The following RSPH14 variants were observed in gnomAD, a reference collection of about 807,000 sequenced individuals.
RSPH14 encodes radial spoke head 14 homolog.
In RSPH14, 20 loss-of-function variants were observed where a neutral mutation model predicts 26.7. That is an observed-to-expected ratio of 0.75 (90% CI 0.53 to 1.09). RSPH14 has a LOEUF of 1.09. RSPH14 is among the 50% of genes least tolerant of loss of function. RSPH14 has a pLI of 0.00. For missense variants in RSPH14, 449 were observed against 457.2 expected, an observed-to-expected ratio of 0.98 and a Z score of 0.16; for synonymous variants, 177 against 189.3, an observed-to-expected ratio of 0.93 and a Z score of 0.53.
intron 4 of RSPH14, among the ~76,000 whole-genome samples, chr22:23,106,509 C>T (rs568559546): frequency 6.6e-6 from 1 of 152,110 alleles, no homozygotes; most frequent in African/African-American, 2.4e-5. Context: ...GTCATGTGGA[C>T]TTGTGTCCAT....
rs148799264 is a variant in RSPH14, at chr22:23,123,231, G to A, written c.421+10795C>T. ...CATCCCGCTCACCATCTGCTTTCCC[G>A]AGTACAAGGGCCAGAACACGTACGA... On this transcript the variant is annotated intron_variant, in intron 4 of 6. Coordinates refer to ENST00000216036, the MANE Select transcript of RSPH14 (RefSeq NM_014433.3). 1.3e-4 allele frequency: 206 copies of A among 1,614,132 alleles called. 1 individual carries two copies. The highest frequency in any genetic ancestry group is 1.6e-4 in the Non-Finnish European group (193 of 1,180,040).
intron 4 of RSPH14, among the ~76,000 whole-genome samples, chr22:23,066,631 C>T (rs891376059): frequency 6.6e-5 from 10 of 152,192 alleles, no homozygotes; most frequent in Admixed American, 3.9e-4. Context: ...GAGTCTCGGG[C>T]CTGGCTATTT....
the RSPH14 span, chr22:23,153,439 G>A: frequency 2.5e-6 from 1 of 404,076 alleles, no homozygotes; most frequent in African/African-American, 2.2e-5. Flanking sequence ...GTCCCTCCCT[G>A]ACCTAGGCCT....
At chr22:23,166,135 G>T in the RSPH14 span, among the ~76,000 whole-genome samples, 1 of 116,046 alleles carries the variant, frequency 8.6e-6, no homozygotes. Flanking sequence ...GACGGAGTGA[G>T]ACTCTGTCTT....
chr22:23,084,458 C>T (rs774182689), intron 4 of RSPH14, among the ~76,000 whole-genome samples: 1 of 152,164 alleles, frequency 6.6e-6, no homozygotes, highest in Non-Finnish European at 1.5e-5. Flanking sequence ...ACATTTTCAA[C>T]TTAGGATGGG....
intron 4 of RSPH14, among the ~76,000 whole-genome samples, chr22:23,108,090 G>A (rs2069536217): frequency 6.6e-6 from 1 of 152,248 alleles, no homozygotes; most frequent in South Asian, 2.1e-4. Context: ...TGTGGGCCAG[G>A]AGCAGGTGCA....
In RSPH14 at chr22:23,063,872, G is replaced by C. The variant is rs754557884; in HGVS notation, c.653+30C>G. The C allele has an allele frequency of 6.8e-6, 11 of 1,607,386 alleles. No individual in the cohort carries two copies. The Admixed American group carries it at 1.7e-4, about 24-fold the overall frequency. ...AGCTCAGGTGCCTTCTCCCAGCCTTGGTAGAAACCCAGCCTAGGCCAGGCC... is the reference window on the plus strand; with the variant it reads ...AGCTCAGGTGCCTTCTCCCAGCCTTCGTAGAAACCCAGCCTAGGCCAGGCC... On this transcript the variant is annotated intron_variant, in intron 5 of 6. Coordinates refer to ENST00000216036, the MANE Select transcript of RSPH14 (RefSeq NM_014433.3).
chr22:23,064,251 G>C (rs1362865542), intron 4 of RSPH14, 118 bp from the exon 5 acceptor site: 2 of 906,854 alleles, frequency 2.2e-6, no homozygotes, highest in Non-Finnish European at 3.4e-6. Context: ...TTGACAAAAG[G>C]ACTTGCAAGT....
chr22:23,148,482 G>C (rs1046662664), upstream of RSPH14, among the ~76,000 whole-genome samples: 9 of 152,174 alleles, frequency 5.9e-5, no homozygotes, highest in African/African-American at 2.2e-4. Flanking sequence ...TCTGGGATTT[G>C]ACCTGGCCGT....
chr22:23,111,086 G>A (rs192217224), intron 4 of RSPH14, among the ~76,000 whole-genome samples: 4 of 152,334 alleles, frequency 2.6e-5, no homozygotes, highest in South Asian at 4.1e-4. Flanking sequence ...GGGCCTGCGC[G>A]CCTTCCCTGT....
intron 4 of RSPH14, among the ~76,000 whole-genome samples, chr22:23,122,074 G>A (rs760196275): frequency 6.6e-6 from 1 of 152,154 alleles, no homozygotes; most frequent in Admixed American, 6.5e-5. Flanking sequence ...AGCCAGATTG[G>A]TTCCAGATTT....
the RSPH14 span, among the ~76,000 whole-genome samples, chr22:23,157,506 G>A: frequency 3.3e-5 from 5 of 151,984 alleles, no homozygotes; most frequent in South Asian, 2.1e-4. Flanking sequence ...TGATCCACCC[G>A]CCTCAGCCTC....
chr22:23,121,395 G>T (rs996811011), intron 4 of RSPH14, among the ~76,000 whole-genome samples: 1 of 152,190 alleles, frequency 6.6e-6, no homozygotes, highest in African/African-American at 2.4e-5. Context: ...GGAGAGCAGG[G>T]TTTCTATGCA....
rs1045966083 is a variant in RSPH14, at chr22:23,137,099, T to C, written c.302+1741A>G. Among the ~76,000 whole-genome samples the C allele has an allele frequency of 1.4e-5, 2 of 138,858 alleles. 1 individual carries two copies. The highest frequency in any genetic ancestry group is 3.2e-5 in the Non-Finnish European group (2 of 62,232). The allele number at this position is 138,858 out of a possible 152,430, so 91.1% of individuals were successfully genotyped here. ...CACAGGGCCGGGGCTGCACACAGGA[T>C]CAGCCACCAAGGCAGCGAGAGCTTG... On this transcript the variant is annotated intron_variant, in intron 3 of 6. Transcript: ENST00000216036.
At chr22:23,169,730 A>C in the RSPH14 span, among the ~76,000 whole-genome samples, 1 of 152,020 alleles carries the variant, frequency 6.6e-6, no homozygotes, top group Admixed American at 6.6e-5. Flanking sequence ...GGCTGGTTGG[A>C]TAGGACCCCT....
intron 1 of RSPH14, 125 bp downstream of exon 1, chr22:23,141,824 G>A (rs1353279386): frequency 1.1e-5 from 3 of 277,990 alleles, no homozygotes; most frequent in Non-Finnish European, 1.6e-5. Flanking sequence ...CGTGGGCTGG[G>A]AGAGTCCGGC....
At chr22:23,162,478 G>A in the RSPH14 span, 1 of 383,020 alleles carries the variant, frequency 2.6e-6, no homozygotes, top group Non-Finnish European at 5.3e-6. Context: ...ACATCTCTTA[G>A]GACCTTTGTA....
chr22:23,095,954 G>T, intron 4 of RSPH14: 1 of 1,612,242 alleles, frequency 6.2e-7, no homozygotes, highest in South Asian at 1.1e-5. Flanking sequence ...CATCATCCGG[G>T]CCCTGGCCGC....
intron 4 of RSPH14, among the ~76,000 whole-genome samples, chr22:23,090,632 C>T (rs904094352): frequency 1.4e-4 from 22 of 152,156 alleles, no homozygotes; most frequent in Non-Finnish European, 2.4e-4. Context: ...GCCTTTGTGC[C>T]GGTGGTTCCC....
Sources: gnomAD v4.1 joint callset for allele counts (sites outside exome capture counted in the v4.1 genomes callset) on GRCh38, gnomAD v4.1.1 for gene constraint, MANE v1.5 for transcripts, NCBI Gene and HGNC (gene_info 2026-07-23, HGNC 2026-07-21) for gene names.